The following HROB variants were observed in gnomAD, a reference collection of about 807,000 sequenced individuals.
HROB encodes homologous recombination OB-fold protein.
HROB carries 44 observed loss-of-function variants against 61.0 expected under a neutral mutation model. That is an observed-to-expected ratio of 0.72 (90% CI 0.57 to 0.93). The LOEUF (loss-of-function observed/expected upper bound fraction) is 0.93. HROB is among the 40% of genes least tolerant of loss of function. The pLI is 0.00. For missense variants in HROB, 716 were observed against 796.2 expected, an observed-to-expected ratio of 0.90 and a Z score of 1.21; for synonymous variants, 301 against 310.4, an observed-to-expected ratio of 0.97 and a Z score of 0.32.
At chr17:44,154,723 G>A in intron 6 of HROB, 59 bp downstream of exon 6, 1 of 1,599,788 alleles carries the variant, frequency 6.3e-7, no homozygotes. Context: ...CAGGAAATGA[G>A]GTGGAATCAC....
chr17:44,148,083 T>G lies in HROB; in HGVS notation c.280T>G (p.Ser94Ala), dbSNP rs202187285. ...CACGCCCAGTGCTGACAGCCGTCCA[T>G]CATGCATAGGAGCAGCTCCCCTAAG... The part of the protein sequence containing the change: ...SSTPSADSRP[S>A]CIGAAPLRPV... The change falls in exon 3 of 10, where the codon TCA becomes GCA. Residue 94 changes from serine to alanine, a missense_variant. Coordinates refer to ENST00000585683, the MANE Select transcript of HROB (RefSeq NM_001171251.3). The G allele has an allele frequency of 3.4e-5, 55 of 1,614,150 alleles. No homozygotes were observed. Among genetic ancestry groups the G allele is most frequent in the Non-Finnish European group, 4.6e-5 (54 of 1,180,018 alleles).
Position 44,142,015 on chromosome 17 carries a change from G to T in HROB, c.-128G>T. 1.5e-6 allele frequency: 2 copies of T among 1,335,092 alleles called. No homozygotes were observed. The highest frequency in any genetic ancestry group is 2.6e-5 in the South Asian group (2 of 77,522). The allele number at this position is 1,335,092 out of a possible 1,614,324, so 82.7% of individuals were successfully genotyped here. A position where few individuals can be genotyped will look rare whatever the true frequency, so the allele number is the denominator to read the frequency against. On this transcript the variant is annotated 5_prime_UTR_variant, in exon 1 of 10. Coordinates refer to ENST00000585683, the MANE Select transcript of HROB (RefSeq NM_001171251.3). ...CTATATCGCAGAGACTCATCCCTCT[G>T]ACCCCAGCCCGGAAGCACTGTCCCT...
At chr17:44,154,515 G>A (rs1340647151) in intron 5 of HROB, 41 bp from the exon 6 acceptor site, 1 of 1,604,560 alleles carries the variant, frequency 6.2e-7, no homozygotes, top group Non-Finnish European at 8.5e-7. Context: ...AGTCACAAGT[G>A]GGCCGTGGAA....
intron 8 of HROB, among the ~76,000 whole-genome samples, chr17:44,157,584 T>G (rs540124510): frequency 6.6e-6 from 1 of 151,974 alleles, no homozygotes; most frequent in South Asian, 2.1e-4. Flanking sequence ...CGGCTCTGTT[T>G]TTGTATTTTT....
intron 3 of HROB, among the ~76,000 whole-genome samples, chr17:44,149,638 C>T (rs1175062300): frequency 2.6e-5 from 4 of 152,140 alleles, no homozygotes; most frequent in Non-Finnish European, 4.4e-5. Context: ...GAACTAGGCT[C>T]AAGCCATTCT....
rs1598102980 is a variant in HROB, at chr17:44,154,833, G to GGGCCATGT, written c.1559-17_1559-10dup. The GGGCCATGT allele has an allele frequency of 3.7e-6, 6 of 1,613,784 alleles. No homozygotes were observed. The Middle Eastern group carries it at 5.0e-4, about 133-fold the overall frequency. ...TGCTGCCCTTGACCCCGAGACTGAT[G>GGGCCATGT]GGCCATGTGGTATTTGCAGGAGAGA... On this transcript the variant is annotated intron_variant, in intron 6 of 9. Coordinates refer to ENST00000585683, the MANE Select transcript of HROB (RefSeq NM_001171251.3).
intron 2 of HROB, among the ~76,000 whole-genome samples, chr17:44,146,089 A>G (rs1157802805): frequency 1.3e-5 from 2 of 152,200 alleles, no homozygotes; most frequent in African/African-American, 4.8e-5. Context: ...TCTTTCTGTC[A>G]CCCAGGCTGG....
intron 3 of HROB, 62 bp downstream of exon 3, chr17:44,149,089 TCCAG>T: frequency 6.8e-7 from 1 of 1,467,056 alleles, no homozygotes; most frequent in Non-Finnish European, 9.3e-7. Flanking sequence ...TCCAGCACTG[TCCAG>T]CCCTAGCATA....
chr17:44,162,094 C>G lies in HROB; in HGVS notation c.*162C>G. On this transcript the variant is annotated 3_prime_UTR_variant, in exon 10 of 10. Coordinates refer to ENST00000585683, the MANE Select transcript of HROB (RefSeq NM_001171251.3). ...TGGGTGTTTTCCCTGAGAGCCCCCT[C>G]ATCTCTGCGCTGCCCTCACTTTGGG... 2.9e-6 allele frequency: 2 copies of G among 683,704 alleles called. No homozygotes were observed. The highest frequency in any genetic ancestry group is 1.9e-5 in the South Asian group (1 of 51,308). 42.4% of individuals were successfully genotyped at this position (683,704 alleles called of 1,614,324 possible).
chr17:44,154,326 C>T, intron 5 of HROB: 1 of 488,986 alleles, frequency 2.0e-6, no homozygotes, highest in South Asian at 2.5e-5. Flanking sequence ...GGGAGCGAAA[C>T]TCCCTCTCAA....
rs1349044703 is a variant in HROB at position 44,157,834 on chromosome 17, A to T, written c.1772A>T (p.Asp591Val). Residue 591 changes from aspartate to valine, a missense_variant and splice_region_variant, in exon 9 of 10, where the codon GAT (aspartate) becomes GTT (valine). Asp to Val is a radical substitution (Grantham distance 152). Transcript: ENST00000585683. ...FLKPSQPFPK[D>V]SGSFQHDVAA... Reference sequence around the variant, plus strand: ...GGTAACCAGATCCTCTGTCCCCAGGATTCAGGGAGCTTCCAGCATGATGTG... The same window carrying T: ...GGTAACCAGATCCTCTGTCCCCAGGTTTCAGGGAGCTTCCAGCATGATGTG... The T allele has an allele frequency of 6.2e-7, 1 of 1,611,840 alleles. No individual in the cohort carries two copies. Among genetic ancestry groups the T allele is most frequent in the South Asian group, 1.1e-5 (1 of 90,670 alleles).
At chr17:44,158,506 C>T (rs1232722410) in intron 9 of HROB, among the ~76,000 whole-genome samples, 2 of 152,276 alleles carry the variant, frequency 1.3e-5, no homozygotes, top group African/African-American at 4.8e-5. Flanking sequence ...ATTTTTGCGA[C>T]AGGGTCTCAT....
In HROB at chr17:44,148,890, C is replaced by T. The variant is rs916000044; in HGVS notation, c.1087C>T (p.Leu363=). 8 of 1,614,072 alleles carry T rather than the reference C, an allele frequency of 5.0e-6. No homozygotes were observed. In the African/African-American group the frequency reaches 9.3e-5, roughly 19 times the overall value. ...VGTPKGPQGA[L]QTPIVTNHLV... ...TACCCCAAAAGGTCCCCAGGGAGCT[C>T]TGCAGACACCCATAGTCACCAACCA... Residue 363 remains leucine (L), a synonymous_variant, in exon 3 of 10, where the codon CTG becomes TTG. Coordinates refer to ENST00000585683, the MANE Select transcript of HROB (RefSeq NM_001171251.3).
chr17:44,143,064 C>A (rs918918297), intron 1 of HROB, among the ~76,000 whole-genome samples: 2 of 152,136 alleles, frequency 1.3e-5, no homozygotes, highest in Non-Finnish European at 2.9e-5. Flanking sequence ...AGACTCCCAA[C>A]AAGCTGGGAT....
At chr17:44,147,829 C>G in intron 2 of HROB, 29 bp from the exon 3 acceptor site, 1 of 1,585,982 alleles carries the variant, frequency 6.3e-7, no homozygotes, top group Non-Finnish European at 8.6e-7. Context: ...TTCCAGATGC[C>G]AAGACCTACC....
chr17:44,157,975 G>C (rs749829327), intron 9 of HROB, 34 bp downstream of exon 9: 1 of 1,517,746 alleles, frequency 6.6e-7, no homozygotes, highest in Non-Finnish European at 9.1e-7. Flanking sequence ...AGCAAGAGAG[G>C]TTCTATTTCC....
intron 9 of HROB, among the ~76,000 whole-genome samples, chr17:44,161,175 C>T (rs2054128436): frequency 6.6e-6 from 1 of 150,936 alleles, no homozygotes; most frequent in Non-Finnish European, 1.5e-5. Context: ...TGCACTCCAG[C>T]CTGGGCGACA....
chr17:44,152,176 C>T (rs1027545178), intron 4 of HROB, among the ~76,000 whole-genome samples: 1 of 151,926 alleles, frequency 6.6e-6, no homozygotes, highest in African/African-American at 2.4e-5. Context: ...GACGAGGTTT[C>T]ACCATGTTGG....
chr17:44,157,380 T>TC lies in HROB; in HGVS notation c.1771-452dup, dbSNP rs1567723009. Among the ~76,000 whole-genome samples, 121 of 148,758 alleles carry TC rather than the reference T, an allele frequency of 8.1e-4. 1 individual carries two copies. The highest frequency in any genetic ancestry group is 2.9e-3 in the African/African-American group (118 of 40,068). On this transcript the variant is annotated intron_variant, in intron 8 of 9. Coordinates refer to ENST00000585683, the MANE Select transcript of HROB (RefSeq NM_001171251.3). ...TCAGCATGGGCCTGGGTGGCTGGCC[T>TC]CTGCCATACTCTTCCATCATGTTTC...
Sources: gnomAD v4.1 joint callset for allele counts (sites outside exome capture counted in the v4.1 genomes callset) on GRCh38, gnomAD v4.1.1 for gene constraint, MANE v1.5 for transcripts, NCBI Gene and HGNC (gene_info 2026-07-23, HGNC 2026-07-21) for gene names.